ANKRD31: variants seen among roughly 807,000 people sequenced by gnomAD.
ANKRD31 encodes ankyrin repeat domain 31, also known as ankyrin repeat domain-containing protein 31.
ANKRD31 carries 147 observed loss-of-function variants against 186.0 expected under a neutral mutation model. That is an observed-to-expected ratio of 0.79 (90% CI 0.69 to 0.91). The LOEUF (loss-of-function observed/expected upper bound fraction) is 0.91, where lower values mean the gene tolerates loss of function less well. ANKRD31 is among the 40% of genes least tolerant of loss of function. The pLI is 0.00. For missense variants in ANKRD31, 1,986 were observed against 2,148.8 expected (o/e 0.92, Z 1.50); for synonymous variants, 673 against 736.4 (o/e 0.91, Z 1.39).
chr5:75,175,264 G>C (rs1403866600), intron 10 of ANKRD31, among the ~76,000 whole-genome samples: 1 of 152,108 alleles, frequency 6.6e-6, no homozygotes, highest in Admixed American at 6.6e-5. Context: ...ATAGCATTAG[G>C]AGAAATACCT....
chr5:75,195,813 C>T lies in ANKRD31; in HGVS notation c.835G>A (p.Asp279Asn), dbSNP rs1241361524. 21 of 1,537,168 alleles carry T rather than the reference C, an allele frequency of 1.4e-5. No individual in the cohort carries two copies. In the Admixed American group the frequency reaches 4.1e-4, roughly 30 times the overall value. The change falls in exon 7 of 26, where the codon GAT becomes AAT. Residue 279 changes from aspartate to asparagine, a missense_variant. By Grantham distance (23) the Asp-to-Asn change is conservative. Coordinates refer to ENST00000506364, the MANE Select transcript of ANKRD31 (RefSeq NM_001372053.1). ...GCTGGCAATGCATCATCTTTTGCAT[C>T]TTCTAGTAAATCTCTATGACATGCC... ...WSACHRDLLE[D>N]AKDDALPAEL... is the part of the protein sequence containing the mutation.
intron 17 of ANKRD31, among the ~76,000 whole-genome samples, chr5:75,125,711 A>C (rs938243895): frequency 1.3e-5 from 2 of 152,176 alleles, no homozygotes; most frequent in Non-Finnish European, 2.9e-5. Context: ...AGACACTGGG[A>C]CCCTGGATAG....
chr5:75,223,959 G>A (rs1215185751), intron 2 of ANKRD31, among the ~76,000 whole-genome samples: 1 of 151,720 alleles, frequency 6.6e-6, no homozygotes, highest in East Asian at 1.9e-4. Context: ...TCCTCACCTA[G>A]AACCAATCTG....
chr5:75,074,807 C>A (rs1206797941), intron 25 of ANKRD31, among the ~76,000 whole-genome samples: 1 of 151,964 alleles, frequency 6.6e-6, no homozygotes, highest in Non-Finnish European at 1.5e-5. Context: ...ATAACATTTC[C>A]AGGTTATTTT....
intron 3 of ANKRD31, among the ~76,000 whole-genome samples, chr5:75,221,607 A>G (rs1757305154): frequency 6.6e-6 from 1 of 152,196 alleles, no homozygotes; most frequent in African/African-American, 2.4e-5. Context: ...GGACAAAAGA[A>G]AACACAGTTC....
At position 75,195,981 on chromosome 5, in the gene ANKRD31, C is replaced by T. The variant is rs1755442310; in HGVS notation, c.667G>A (p.Ala223Thr). 5.2e-6 allele frequency: 8 copies of T among 1,531,426 alleles called. No individual in the cohort carries two copies. The highest frequency in any genetic ancestry group is 1.7e-4 in the Middle Eastern group (1 of 5,966). The allele number at this position is 1,531,426 out of a possible 1,614,324, so 94.9% of individuals were successfully genotyped here. A position where few individuals can be genotyped will look rare whatever the true frequency, so the allele number is the denominator to read the frequency against. ...EESSLETFVS[A>T]LESLLTSPES... is the part of the protein sequence containing the mutation. ...GGTGATGTAAGTAAACTTTCTAAGG[C>T]AGACACAAAGGTTTCAAGAGAGCTT... The change falls in exon 7 of 26, where the codon GCC (alanine) becomes ACC (threonine). Residue 223 changes from alanine to threonine, a missense_variant. Coordinates refer to ENST00000506364, the MANE Select transcript of ANKRD31 (RefSeq NM_001372053.1).
intron 12 of ANKRD31, among the ~76,000 whole-genome samples, chr5:75,150,493 T>C (rs1231558961): frequency 1.3e-5 from 2 of 152,004 alleles, no homozygotes; most frequent in East Asian, 1.9e-4. Flanking sequence ...TAATTAATCA[T>C]GGAATTTGAA....
chr5:75,088,246 G>A (rs1485336282), intron 23 of ANKRD31, among the ~76,000 whole-genome samples: 1 of 152,092 alleles, frequency 6.6e-6, no homozygotes, highest in Non-Finnish European at 1.5e-5. Context: ...ATGTGTGGGG[G>A]GTGAGGGGAA....
intron 20 of ANKRD31, 134 bp from the exon 21 acceptor site, chr5:75,107,751 A>G: frequency 1.7e-6 from 1 of 572,694 alleles, no homozygotes; most frequent in Non-Finnish European, 3.1e-6. Flanking sequence ...AATAGCCCAG[A>G]TATCTCAATT....
chr5:75,174,792 T>C (rs1753646814), intron 10 of ANKRD31, among the ~76,000 whole-genome samples: 1 of 152,222 alleles, frequency 6.6e-6, no homozygotes, highest in Admixed American at 6.5e-5. Context: ...GAGTGTAAAT[T>C]AGTTCAACCA....
At chr5:75,113,964 A>G (rs1235138033) in intron 19 of ANKRD31, among the ~76,000 whole-genome samples, 1 of 152,184 alleles carries the variant, frequency 6.6e-6, no homozygotes, top group Non-Finnish European at 1.5e-5. Context: ...TCCTTTGCTC[A>G]TATTGTAGAT....
intron 9 of ANKRD31, among the ~76,000 whole-genome samples, chr5:75,189,570 G>A (rs969187966): frequency 6.6e-6 from 1 of 152,138 alleles, no homozygotes; most frequent in African/African-American, 2.4e-5. Flanking sequence ...TTGTATACCA[G>A]ACTACAAAGC....
At chr5:75,222,170 TA>T in intron 3 of ANKRD31, 78 bp downstream of exon 3, 1 of 995,740 alleles carries the variant, frequency 1.0e-6, no homozygotes, top group Non-Finnish European at 1.4e-6. Flanking sequence ...CAAAAAGAAT[TA>T]TCATTAGTAA....
intron 5 of ANKRD31, among the ~76,000 whole-genome samples, chr5:75,204,743 T>C (rs1441117930): frequency 3.3e-5 from 5 of 152,228 alleles, no homozygotes; most frequent in Admixed American, 2.6e-4. Context: ...CTTCCTTTCC[T>C]TGGTACAATT....
intron 17 of ANKRD31, among the ~76,000 whole-genome samples, chr5:75,128,210 A>AAAACACAT (rs1442172970): frequency 6.6e-6 from 1 of 151,570 alleles, no homozygotes; most frequent in African/African-American, 2.4e-5. Context: ...TTGAACAATG[A>AAAACACAT]AAACACATGG....
At chr5:75,231,839 G>A (rs1471208325) in intron 1 of ANKRD31, among the ~76,000 whole-genome samples, 1 of 151,728 alleles carries the variant, frequency 6.6e-6, no homozygotes, top group East Asian at 1.9e-4. Context: ...GCCAGTTCAA[G>A]GCTGCAGTGA....
Position 75,091,355 on chromosome 5 carries a change from A to G in ANKRD31, c.5378T>C (p.Val1793Ala). ...GTTTTTATAAATCTGACCACTTTCT[A>G]CCTTAAGTTTACCATTCAATAAAAT... ...ASILLNGKLK[V>A]ESGQIYKNPV... Residue 1793 changes from valine (V) to alanine (A), a missense_variant, in exon 23 of 26, where the codon GTA becomes GCA. Val to Ala is a moderately conservative substitution (Grantham distance 64). Coordinates refer to ENST00000506364, the MANE Select transcript of ANKRD31 (RefSeq NM_001372053.1). 1.3e-6 allele frequency: 2 copies of G among 1,537,058 alleles called. No individual in the cohort carries two copies. Among genetic ancestry groups the G allele is most frequent in the Non-Finnish European group, 1.7e-6 (2 of 1,146,844 alleles).
chr5:75,219,677 G>A (rs749158141), intron 3 of ANKRD31, among the ~76,000 whole-genome samples: 6 of 152,110 alleles, frequency 3.9e-5, no homozygotes, highest in African/African-American at 9.7e-5. Flanking sequence ...AAAAGATCCC[G>A]AATAGCCAAG....
chr5:75,180,606 CAA>C (rs1279980004), intron 10 of ANKRD31, among the ~76,000 whole-genome samples: 1 of 152,118 alleles, frequency 6.6e-6, no homozygotes, highest in East Asian at 1.9e-4. Flanking sequence ...TGATCTTTGA[CAA>C]ACCTGACAAA....
Sources: gnomAD v4.1 joint callset for allele counts (sites outside exome capture counted in the v4.1 genomes callset) on GRCh38, gnomAD v4.1.1 for gene constraint, MANE v1.5 for transcripts, NCBI Gene and HGNC (gene_info 2026-07-23, HGNC 2026-07-21) for gene names.